FABP6: variants seen among roughly 807,000 people sequenced by gnomAD.
FABP6 encodes gastrotropin.
A neutral mutation model predicts 14.9 loss-of-function variants in FABP6; 13 were observed. That is an observed-to-expected ratio of 0.87 (90% CI 0.57 to 1.39). FABP6 has a LOEUF of 1.39. Ranked by LOEUF, FABP6 falls within the 40% of genes most tolerant of loss-of-function variation. FABP6 has a pLI of 0.00. For missense variants in FABP6, 161 were observed against 167.2 expected, an observed-to-expected ratio of 0.96 and a Z score of 0.20; for synonymous variants, 75 against 63.6, an observed-to-expected ratio of 1.18 and a Z score of -0.85.
chr5:160,188,035 A>G (rs1394300788), intron 1 of FABP6, among the ~76,000 whole-genome samples: 1 of 148,368 alleles, frequency 6.7e-6, no homozygotes, highest in Non-Finnish European at 1.5e-5. Flanking sequence ...TACAGACGTG[A>G]GCCACTGAGA....
At chr5:160,231,159 C>T (rs1200004770) in intron 1 of FABP6, among the ~76,000 whole-genome samples, 1 of 152,170 alleles carries the variant, frequency 6.6e-6, no homozygotes, top group Non-Finnish European at 1.5e-5. Flanking sequence ...GCCCTTGTGC[C>T]TTGGGGCCTT....
At chr5:160,224,087 T>C (rs531280673) in intron 3 of FABP6, among the ~76,000 whole-genome samples, 1 of 151,886 alleles carries the variant, frequency 6.6e-6, no homozygotes, top group East Asian at 2.0e-4. Context: ...ATACAAAAAA[T>C]TAGCTGGGCG....
At chr5:160,202,884 A>G (rs1332649117) in intron 2 of FABP6, among the ~76,000 whole-genome samples, 1 of 151,958 alleles carries the variant, frequency 6.6e-6, no homozygotes, top group African/African-American at 2.4e-5. Flanking sequence ...AAGGTGCTCC[A>G]ATGGGGTAAC....
intron 3 of FABP6, among the ~76,000 whole-genome samples, chr5:160,236,120 T>G (rs1760510764): frequency 6.7e-6 from 1 of 150,114 alleles, no homozygotes; most frequent in South Asian, 2.2e-4. Context: ...GTTCAAGCAA[T>G]TCTCCTTCCT....
chr5:160,231,306 A>C (rs1760375873), intron 1 of FABP6, among the ~76,000 whole-genome samples: 1 of 152,194 alleles, frequency 6.6e-6, no homozygotes, highest in Admixed American at 6.5e-5. Context: ...TCGGTCATTA[A>C]ATTTCAGTGA....
intron 1 of FABP6, among the ~76,000 whole-genome samples, chr5:160,188,959 C>T (rs1291081958): frequency 6.6e-6 from 1 of 152,210 alleles, no homozygotes. Context: ...CAGCAGGGCT[C>T]TGCACCCTTT....
chr5:160,222,645 A>G (rs947443988), intron 3 of FABP6, among the ~76,000 whole-genome samples: 18 of 152,114 alleles, frequency 1.2e-4, no homozygotes, highest in African/African-American at 4.1e-4. Flanking sequence ...CAGATTTTCT[A>G]CTATGAAGAT....
chr5:160,198,742 C>T (rs756272352), intron 1 of FABP6: 2 of 218,880 alleles, frequency 9.1e-6, no homozygotes, highest in Non-Finnish European at 9.1e-6. Context: ...CTTTTCTCAG[C>T]CCCATGTCCT....
chr5:160,232,960 T>C (rs1432083368), intron 2 of FABP6, among the ~76,000 whole-genome samples: 1 of 145,254 alleles, frequency 6.9e-6, no homozygotes, highest in Non-Finnish European at 1.5e-5. Flanking sequence ...GGGGCAGGCC[T>C]TTACACCAGG....
intron 2 of FABP6, among the ~76,000 whole-genome samples, chr5:160,212,935 G>T (rs1247189288): frequency 6.6e-6 from 1 of 152,174 alleles, no homozygotes; most frequent in African/African-American, 2.4e-5. Flanking sequence ...CAAGTTCTAA[G>T]TGGAAAAGAG....
chr5:160,223,366 C>T (rs1760171337), intron 3 of FABP6, among the ~76,000 whole-genome samples: 1 of 63,428 alleles, frequency 1.6e-5, no homozygotes, highest in South Asian at 6.1e-4. Flanking sequence ...TCCTTCTTTC[C>T]CTCCCTCCCT....
chr5:160,224,776 CT>C (rs905485811), upstream of FABP6, among the ~76,000 whole-genome samples: 19 of 115,892 alleles, frequency 1.6e-4, no homozygotes, highest in Admixed American at 8.3e-4. Flanking sequence ...TAATTTTTTC[CT>C]TTTTTTTTCT....
rs17852045 is a variant in FABP6 at position 160,232,194 on chromosome 5, C to A, written c.164C>A (p.Ser55Tyr). The change falls in exon 2 of 4, where the codon TCC (serine) becomes TAC (tyrosine). Residue 55 changes from serine (S) to tyrosine (Y), a missense_variant. Coordinates refer to ENST00000402432, the MANE Select transcript of FABP6 (RefSeq NM_001445.3). The part of the protein sequence containing the change: ...GQDFTWSQHY[S>Y]GGHTMTNKFT... ...GACTTCACTTGGTCCCAGCACTACT[C>A]CGGGGGCCACACCATGACCAACAAG... is the stretch of plus-strand genomic sequence containing the variant. The A allele has an allele frequency of 1.2e-6, 2 of 1,613,456 alleles. No individual in the cohort carries two copies. The highest frequency in any genetic ancestry group is 1.1e-5 in the South Asian group (1 of 90,956).
At chr5:160,229,445 C>T (rs1760319453), upstream of FABP6, 6 of 1,568,512 alleles carry the variant, frequency 3.8e-6, no homozygotes, top group Admixed American at 3.5e-5. Flanking sequence ...AGTGGGGTGA[C>T]TTAGGGGCTG....
intron 2 of FABP6, among the ~76,000 whole-genome samples, chr5:160,212,133 G>T (rs779773171): frequency 6.6e-6 from 1 of 150,760 alleles, no homozygotes; most frequent in Non-Finnish European, 1.5e-5. Context: ...GATTACAGGC[G>T]CCTGCCACCA....
chr5:160,222,391 T>C (rs1760147607), intron 3 of FABP6, among the ~76,000 whole-genome samples: 1 of 152,176 alleles, frequency 6.6e-6, no homozygotes, highest in South Asian at 2.1e-4. Flanking sequence ...TGGAGTGCAG[T>C]GGTACCATCT....
At chr5:160,218,208 G>A (rs7449156) in intron 3 of FABP6, among the ~76,000 whole-genome samples, 136,906 of 152,088 alleles carry the variant, frequency 0.9, 61,725 homozygotes, top group Non-Finnish European at 0.92. Flanking sequence ...ACTACAGGTG[G>A]CAGCCACCAC....
chr5:160,194,155 T>G (rs935180032), intron 1 of FABP6, among the ~76,000 whole-genome samples: 84 of 152,302 alleles, frequency 5.5e-4, no homozygotes, highest in African/African-American at 1.7e-3. Flanking sequence ...AGTCCCTCAT[T>G]GCCCGGGGCC....
intron 1 of FABP6, among the ~76,000 whole-genome samples, chr5:160,192,565 A>G (rs1759418304): frequency 6.6e-6 from 1 of 152,254 alleles, no homozygotes; most frequent in Non-Finnish European, 1.5e-5. Context: ...TCTATGGGAA[A>G]TCATGAACTT....
Sources: gnomAD v4.1 joint callset for allele counts (sites outside exome capture counted in the v4.1 genomes callset) on GRCh38, gnomAD v4.1.1 for gene constraint, MANE v1.5 for transcripts, NCBI Gene and HGNC (gene_info 2026-07-23, HGNC 2026-07-21) for gene names.